Variants in AUTS2 observed in about 807,000 individuals in gnomAD.
The protein encoded by AUTS2 is autism susceptibility gene 2 protein.
In AUTS2, 17 loss-of-function variants were observed where a neutral mutation model predicts 112.4. The observed-to-expected ratio is 0.15, with a 90% CI of 0.10 to 0.23. The LOEUF is 0.23. AUTS2 is among the 10% of genes least tolerant of loss of function. The probability of loss-of-function intolerance (pLI) is 1.00; values close to 1 mark genes in which losing one functional copy is unlikely to be tolerated. For synonymous variants in AUTS2, 751 were observed against 702.7 expected, an observed-to-expected ratio of 1.07 and a Z score of -1.09; for missense variants, 1,510 against 1,701.6, an observed-to-expected ratio of 0.89 and a Z score of 1.98.
At chr7:70,553,457 C>T (rs972561201) in intron 5 of AUTS2, among the ~76,000 whole-genome samples, 36 of 152,286 alleles carry the variant, frequency 2.4e-4, no homozygotes, top group South Asian at 6.2e-4. Context: ...GAGTAACCCT[C>T]TGCCTTCTTC....
chr7:69,675,785 G>T (rs899826396), intron 1 of AUTS2, among the ~76,000 whole-genome samples: 12 of 152,186 alleles, frequency 7.9e-5, no homozygotes, highest in African/African-American at 2.9e-4. Context: ...GGGATTACAG[G>T]TGTGAGCCAC....
chr7:70,241,145 T>C (rs1812590270), intron 4 of AUTS2, among the ~76,000 whole-genome samples: 1 of 152,190 alleles, frequency 6.6e-6, no homozygotes, highest in Admixed American at 6.5e-5. Context: ...GAAATCTGAT[T>C]GAGACATAGA....
chr7:70,409,060 CAG>C (rs947068601), intron 4 of AUTS2, among the ~76,000 whole-genome samples: 3 of 152,280 alleles, frequency 2.0e-5, no homozygotes, highest in Admixed American at 2.0e-4. Context: ...GATTTGAAAA[CAG>C]TGGTATGCAT....
chr7:69,669,460 T>C (rs926876593), intron 1 of AUTS2, among the ~76,000 whole-genome samples: 1 of 152,154 alleles, frequency 6.6e-6, no homozygotes, highest in African/African-American at 2.4e-5. Context: ...TTAATTTTAA[T>C]AGCCATATAG....
chr7:70,484,295 A>G (rs1382848041), intron 5 of AUTS2, among the ~76,000 whole-genome samples: 1 of 152,056 alleles, frequency 6.6e-6, no homozygotes, highest in Non-Finnish European at 1.5e-5. Context: ...CTGGTTCTCT[A>G]CTCTACTTAC....
intron 5 of AUTS2, among the ~76,000 whole-genome samples, chr7:70,509,915 C>T (rs1330165764): frequency 6.6e-6 from 1 of 152,196 alleles, no homozygotes; most frequent in Admixed American, 6.5e-5. Flanking sequence ...TTTCTTACAT[C>T]AACTTCATTT....
intron 5 of AUTS2, among the ~76,000 whole-genome samples, chr7:70,665,586 C>T (rs988929630): frequency 5.3e-5 from 8 of 152,098 alleles, no homozygotes; most frequent in African/African-American, 1.9e-4. Context: ...CAGGCATGAG[C>T]CACCACACCC....
intron 5 of AUTS2, among the ~76,000 whole-genome samples, chr7:70,518,904 A>G (rs907638831): frequency 3.3e-5 from 5 of 151,940 alleles, no homozygotes; most frequent in Admixed American, 1.3e-4. Flanking sequence ...GGGTTTTACC[A>G]TGTTGGCCAG....
At chr7:70,437,833 C>G (rs2130894838) in intron 5 of AUTS2, 1 of 140,892 alleles carries the variant, frequency 7.1e-6, no homozygotes, top group Middle Eastern at 3.5e-3. Flanking sequence ...GAGTGAGATT[C>G]CATCAAAAAA....
intron 1 of AUTS2, among the ~76,000 whole-genome samples, chr7:69,698,284 G>A (rs775455321): frequency 3.3e-5 from 5 of 152,132 alleles, no homozygotes; most frequent in Non-Finnish European, 7.4e-5. Context: ...AACGAAGGAT[G>A]TGGCCAAAAC....
At chr7:69,808,627 T>C (rs1790412692) in intron 1 of AUTS2, among the ~76,000 whole-genome samples, 1 of 152,198 alleles carries the variant, frequency 6.6e-6, no homozygotes, top group South Asian at 2.1e-4. Context: ...TTTTTTTCTG[T>C]TGCTCATTCA....
Position 70,564,450 on chromosome 7 carries a change from A to C in AUTS2, c.690+128669A>C, listed in dbSNP as rs368338571. Among the ~76,000 whole-genome samples, 4 of 152,332 alleles carry C rather than the reference A, an allele frequency of 2.6e-5. No homozygotes were observed. The South Asian group carries it at 6.2e-4, about 24-fold the overall frequency. ...TGGCCTGCCTATGGGCTGGGCAATTAGGTTTACTACTTAGATTACAGGATA... is the reference window on the plus strand; with the variant it reads ...TGGCCTGCCTATGGGCTGGGCAATTCGGTTTACTACTTAGATTACAGGATA... On this transcript the variant is annotated intron_variant, in intron 5 of 18. Coordinates refer to ENST00000342771, the MANE Select transcript of AUTS2 (RefSeq NM_015570.4).
At chr7:69,762,691 T>C (rs1193190249) in intron 1 of AUTS2, among the ~76,000 whole-genome samples, 1 of 152,162 alleles carries the variant, frequency 6.6e-6, no homozygotes, top group Non-Finnish European at 1.5e-5. Flanking sequence ...AAACAATCAG[T>C]TATTGTACTG....
At chr7:70,623,695 T>C (rs1378080752) in intron 5 of AUTS2, among the ~76,000 whole-genome samples, 1 of 152,198 alleles carries the variant, frequency 6.6e-6, no homozygotes, top group Non-Finnish European at 1.5e-5. Flanking sequence ...ATGTTGGCTT[T>C]CTTGAAAATA....
chr7:70,002,761 G>A (rs907435807), intron 2 of AUTS2, among the ~76,000 whole-genome samples: 4 of 152,014 alleles, frequency 2.6e-5, no homozygotes, highest in Non-Finnish European at 4.4e-5. Context: ...CTTTGTATTT[G>A]GGGAAGAGGG....
At chr7:70,122,023 A>G (rs1289580962) in intron 3 of AUTS2, among the ~76,000 whole-genome samples, 1 of 152,252 alleles carries the variant, frequency 6.6e-6, no homozygotes, top group Non-Finnish European at 1.5e-5. Flanking sequence ...AAAGATTGGC[A>G]TTGTAATATA....
At chr7:69,738,183 G>A (rs1461222490) in intron 1 of AUTS2, among the ~76,000 whole-genome samples, 1 of 151,932 alleles carries the variant, frequency 6.6e-6, no homozygotes, top group East Asian at 1.9e-4. Flanking sequence ...GGGGAGGTGG[G>A]CCATCAGGTT....
At chr7:70,700,029 TGG>T (rs1398006451) in intron 6 of AUTS2, among the ~76,000 whole-genome samples, 1 of 152,210 alleles carries the variant, frequency 6.6e-6, no homozygotes, top group African/African-American at 2.4e-5. Flanking sequence ...TTCCCCTTTC[TGG>T]GATCAGGCCC....
intron 4 of AUTS2, among the ~76,000 whole-genome samples, chr7:70,260,497 T>C (rs1244789844): frequency 6.6e-6 from 1 of 151,962 alleles, no homozygotes; most frequent in African/African-American, 2.4e-5. Context: ...GTGGGGACTT[T>C]CTGAACAGCT....
Sources: gnomAD v4.1 joint callset for allele counts (sites outside exome capture counted in the v4.1 genomes callset) on GRCh38, gnomAD v4.1.1 for gene constraint, MANE v1.5 for transcripts, NCBI Gene and HGNC (gene_info 2026-07-23, HGNC 2026-07-21) for gene names.